Variants in NTM observed in about 807,000 individuals in gnomAD.
NTM encodes the protein neurotrimin, also known as IgLON family member 2.
In NTM, 13 loss-of-function variants were observed where a neutral mutation model predicts 42.1. The observed-to-expected ratio is 0.31, with a 90% confidence interval of 0.20 to 0.49. NTM has a LOEUF of 0.49. Ranked by LOEUF, NTM falls within the 20% of genes least tolerant of loss-of-function variation. The pLI is 0.99. For synonymous variants in NTM, 187 were observed against 179.2 expected (o/e 1.04, Z -0.35); for missense variants, 373 against 452.8 (o/e 0.82, Z 1.60).
chr11:131,411,126 C>T (rs984735386), intron 1 of NTM, among the ~76,000 whole-genome samples: 2 of 152,238 alleles, frequency 1.3e-5, no homozygotes, highest in African/African-American at 4.8e-5. Context: ...ATCATTAAAA[C>T]TCTGCTAAAA....
At chr11:132,070,705 GGTTA>G (rs1566081195) in intron 2 of NTM, among the ~76,000 whole-genome samples, 1 of 144,038 alleles carries the variant, frequency 6.9e-6, no homozygotes, top group Non-Finnish European at 1.5e-5. Context: ...GACCATCACA[GGTTA>G]GTTAACACGT....
At chr11:132,082,158 T>C (rs986178424) in intron 2 of NTM, among the ~76,000 whole-genome samples, 8 of 152,142 alleles carry the variant, frequency 5.3e-5, no homozygotes, top group East Asian at 1.9e-4. Context: ...CCCTAAAGAA[T>C]TGATGGTCCT....
At chr11:131,885,979 G>A (rs979119326) in intron 1 of NTM, among the ~76,000 whole-genome samples, 3 of 152,140 alleles carry the variant, frequency 2.0e-5, no homozygotes, top group African/African-American at 4.8e-5. Context: ...GAGAAAGAAA[G>A]TGGATTAATA....
At chr11:131,729,948 G>A (rs1363261127) in intron 1 of NTM, among the ~76,000 whole-genome samples, 1 of 151,830 alleles carries the variant, frequency 6.6e-6, no homozygotes, top group Non-Finnish European at 1.5e-5. Flanking sequence ...AATTTCTCTC[G>A]GGCATATATG....
chr11:131,792,075 A>G (rs1301387873), intron 1 of NTM, among the ~76,000 whole-genome samples: 1 of 152,180 alleles, frequency 6.6e-6, no homozygotes, highest in Non-Finnish European at 1.5e-5. Context: ...CCTTACCCTG[A>G]TCTTTTCTGT....
At chr11:132,010,998 T>C (rs1236836540) in intron 2 of NTM, among the ~76,000 whole-genome samples, 1 of 151,454 alleles carries the variant, frequency 6.6e-6, no homozygotes, top group Non-Finnish European at 1.5e-5. Flanking sequence ...GATATTTACA[T>C]GTCGATCTCG....
At chr11:131,448,827 C>T (rs1056230137) in intron 1 of NTM, among the ~76,000 whole-genome samples, 1 of 152,216 alleles carries the variant, frequency 6.6e-6, no homozygotes, top group African/African-American at 2.4e-5. Flanking sequence ...AAGCCTGCTG[C>T]ATTCCAGTGG....
At chr11:132,009,908 CAG>C in intron 2 of NTM, among the ~76,000 whole-genome samples, 1 of 152,270 alleles carries the variant, frequency 6.6e-6, no homozygotes, top group South Asian at 2.1e-4. Flanking sequence ...ACTTGCCCCT[CAG>C]AGAAGGTTAC....
At chr11:131,436,937 C>A (rs1949184940) in intron 1 of NTM, among the ~76,000 whole-genome samples, 1 of 152,154 alleles carries the variant, frequency 6.6e-6, no homozygotes, top group Non-Finnish European at 1.5e-5. Context: ...ATAAACTTCC[C>A]TCTACACACT....
intron 4 of NTM, among the ~76,000 whole-genome samples, chr11:132,283,567 C>T (rs1267734500): frequency 6.6e-6 from 1 of 152,052 alleles, no homozygotes; most frequent in African/African-American, 2.4e-5. Context: ...GCTTGAATAA[C>T]AATTTGGATG....
At chr11:132,203,554 C>G (rs1300449689) in intron 3 of NTM, among the ~76,000 whole-genome samples, 1 of 152,042 alleles carries the variant, frequency 6.6e-6, no homozygotes, top group Admixed American at 6.6e-5. Flanking sequence ...ATGTATATTC[C>G]CATGATTCCA....
chr11:131,708,549 C>T (rs907711055), intron 1 of NTM, among the ~76,000 whole-genome samples: 3 of 152,028 alleles, frequency 2.0e-5, no homozygotes, highest in Non-Finnish European at 2.9e-5. Context: ...TAAAAAATAA[C>T]TGAGAAAAAT....
intron 1 of NTM, among the ~76,000 whole-genome samples, chr11:131,601,414 A>G (rs2060475321): frequency 6.6e-6 from 1 of 152,218 alleles, no homozygotes; most frequent in Admixed American, 6.5e-5. Flanking sequence ...TTTTAATGAC[A>G]AAAATAGAGC....
intron 2 of NTM, among the ~76,000 whole-genome samples, chr11:132,049,698 G>A (rs898536506): frequency 6.6e-6 from 1 of 152,156 alleles, no homozygotes. Flanking sequence ...GACACCTCTG[G>A]GGAAGAGGAC....
At chr11:131,628,232 C>T (rs374001881) in intron 1 of NTM, among the ~76,000 whole-genome samples, 1 of 152,238 alleles carries the variant, frequency 6.6e-6, no homozygotes, top group Non-Finnish European at 1.5e-5. Context: ...AAGCATCAGA[C>T]TTATTCACAG....
intron 1 of NTM, among the ~76,000 whole-genome samples, chr11:131,727,989 C>T (rs1011889770): frequency 2.0e-5 from 3 of 152,110 alleles, no homozygotes; most frequent in African/African-American, 7.2e-5. Context: ...AATGTAGAGT[C>T]GAGGTCAGAG....
intron 1 of NTM, among the ~76,000 whole-genome samples, chr11:131,756,037 A>G (rs2083288196): frequency 1.3e-5 from 2 of 152,236 alleles, no homozygotes; most frequent in Non-Finnish European, 1.5e-5. Context: ...GACAGGAGAC[A>G]AGAGAAGCTC....
At chr11:131,456,797 T>C (rs902364591) in intron 1 of NTM, among the ~76,000 whole-genome samples, 4 of 152,234 alleles carry the variant, frequency 2.6e-5, no homozygotes, top group Non-Finnish European at 5.9e-5. Flanking sequence ...TTTACAATTC[T>C]ATTTTTTCTC....
intron 2 of NTM, among the ~76,000 whole-genome samples, chr11:132,139,045 C>G (rs1048320268): frequency 6.6e-5 from 10 of 152,206 alleles, no homozygotes; most frequent in Non-Finnish European, 1.3e-4. Context: ...TGAATTCCCA[C>G]TGAACTTTCG....
Sources: allele counts gnomAD v4.1 joint callset (sites outside exome capture counted in the v4.1 genomes callset), GRCh38; gene constraint gnomAD v4.1.1; transcripts MANE v1.5; gene names NCBI Gene and HGNC (gene_info 2026-07-23, HGNC 2026-07-21).